TRAF2: variants seen among roughly 807,000 people sequenced by gnomAD.
TRAF2 encodes TNF receptor-associated factor 2.
A neutral mutation model predicts 55.6 loss-of-function variants in TRAF2; 6 were observed. The ratio of observed to expected loss-of-function variants is 0.11; its 90% CI spans 0.06 to 0.21. The LOEUF is 0.21. Among genes scored for constraint, TRAF2 ranks in the 10% least tolerant of loss-of-function variants. The pLI is 1.00. For synonymous variants in TRAF2, 329 were observed against 276.3 expected (o/e 1.19, Z -1.89); for missense variants, 561 against 684.5 (o/e 0.82, Z 2.01).
chr9:136,888,783 T>G (rs1393645559), intron 1 of TRAF2, among the ~76,000 whole-genome samples: 1 of 152,176 alleles, frequency 6.6e-6, no homozygotes, highest in African/African-American at 2.4e-5. Context: ...GACTCCAGCT[T>G]AGTGAAGGCC....
intron 4 of TRAF2, among the ~76,000 whole-genome samples, chr9:136,903,053 A>G (rs533462960): frequency 6.6e-6 from 1 of 151,830 alleles, no homozygotes; most frequent in African/African-American, 2.4e-5. Flanking sequence ...TGCAGCCTCC[A>G]CCTCCCAGGT....
intron 1 of TRAF2, among the ~76,000 whole-genome samples, chr9:136,891,619 G>C (rs1849581708): frequency 6.6e-6 from 1 of 152,200 alleles, no homozygotes; most frequent in Non-Finnish European, 1.5e-5. Context: ...ACCTTCAAGA[G>C]CGCATTTAGG....
At chr9:136,923,598 G>C (rs1482184088) in intron 9 of TRAF2, among the ~76,000 whole-genome samples, 1 of 120,238 alleles carries the variant, frequency 8.3e-6, no homozygotes. Context: ...CAACAAGAGT[G>C]AGACTCCATC....
chr9:136,912,089 G>A (rs575631747), intron 6 of TRAF2, among the ~76,000 whole-genome samples: 3 of 148,848 alleles, frequency 2.0e-5, no homozygotes, highest in Admixed American at 6.7e-5. Context: ...TCCTGACCTC[G>A]TGATCTGCCC....
chr9:136,922,944 G>T (rs1437491105), intron 9 of TRAF2, among the ~76,000 whole-genome samples: 1 of 151,678 alleles, frequency 6.6e-6, no homozygotes, highest in Non-Finnish European at 1.5e-5. Flanking sequence ...AGGATGGGGA[G>T]GATGGGCCTG....
At chr9:136,919,274 T>C (rs529248538) in intron 7 of TRAF2, among the ~76,000 whole-genome samples, 5 of 149,042 alleles carry the variant, frequency 3.4e-5, no homozygotes, top group African/African-American at 1.2e-4. Flanking sequence ...TTGCCCAGGC[T>C]TCTCTGGAAC....
At position 136,911,264 on chromosome 9, in the gene TRAF2, C is replaced by CTTTTTTT. The variant is rs34077067; in HGVS notation, c.603+1284_603+1290dup. On this transcript the variant is annotated intron_variant, in intron 6 of 10. Coordinates refer to ENST00000247668, the MANE Select transcript of TRAF2 (RefSeq NM_021138.4). ...CATGGTGCATTTTCATCCTTCCCGT[C>CTTTTTTT]TTTTTTTTTTTTTTTTTTTTGGAGA... Among the ~76,000 whole-genome samples the CTTTTTTT allele has an allele frequency of 8.2e-4, 101 of 122,510 alleles. 1 individual carries two copies. The highest frequency in any genetic ancestry group is 3.2e-3 in the African/African-American group (101 of 31,636). The allele number at this position is 122,510 out of a possible 152,430, so 80.4% of individuals were successfully genotyped here.
At position 136,904,417 on chromosome 9, in the gene TRAF2, T is replaced by C. The variant is rs549958986; in HGVS notation, c.367-3653T>C. Among the ~76,000 whole-genome samples the C allele has an allele frequency of 1.3e-3, 195 of 152,158 alleles. No individual in the cohort carries two copies. In the Middle Eastern group the frequency reaches 0.017, roughly 13 times the overall value. On this transcript the variant is annotated intron_variant, in intron 4 of 10. Coordinates refer to ENST00000247668, the MANE Select transcript of TRAF2 (RefSeq NM_021138.4). ...AGTCTTTTTTATTTTTATTTTTTTA[T>C]TTATTTGAGATGGAGTCTCACTCTG...
intron 1 of TRAF2, among the ~76,000 whole-genome samples, chr9:136,888,219 A>G (rs1377131760): frequency 6.6e-6 from 1 of 152,176 alleles, no homozygotes; most frequent in Non-Finnish European, 1.5e-5. Flanking sequence ...AGGGCCTCAT[A>G]TTCATGGCTG....
Position 136,917,309 on chromosome 9 carries a change from G to A in TRAF2, c.678+694G>A, listed in dbSNP as rs149166527. Among the ~76,000 whole-genome samples, 656 of 152,252 alleles carry A rather than the reference G, an allele frequency of 4.3e-3. 4 individuals carry two copies. Among genetic ancestry groups the A allele is most frequent in the African/African-American group, 0.015 (626 of 41,544 alleles). On this transcript the variant is annotated intron_variant, in intron 7 of 10. Coordinates refer to ENST00000247668, the MANE Select transcript of TRAF2 (RefSeq NM_021138.4). ...CTCAGCTATCTCCTCTGCCCTGCTC[G>A]CTGGCCTGAGCTTCCTTGGGCATGC...
intron 10 of TRAF2, among the ~76,000 whole-genome samples, chr9:136,924,831 T>C (rs1051740635): frequency 1.2e-4 from 19 of 152,024 alleles, no homozygotes; most frequent in South Asian, 6.3e-4. Context: ...CCTCCCCTCC[T>C]GGGTTCAAGC....
At chr9:136,904,780 G>GAATAGTTGCTTCGTAAAAGCCAT (rs11272754) in intron 4 of TRAF2, among the ~76,000 whole-genome samples, 1 of 151,762 alleles carries the variant, frequency 6.6e-6, no homozygotes, top group Non-Finnish European at 1.5e-5. Context: ...TCATAAGCCA[G>GAATAGTTGCTTCGTAAAAGCCAT]AATAGTTGCT....
chr9:136,918,831 G>C (rs1032593135), intron 7 of TRAF2, among the ~76,000 whole-genome samples: 6 of 151,556 alleles, frequency 4.0e-5, no homozygotes. Flanking sequence ...CACCTCCTGG[G>C]TTCAAGTACT....
chr9:136,912,698 A>G (rs1401473172), intron 6 of TRAF2, among the ~76,000 whole-genome samples: 1 of 151,770 alleles, frequency 6.6e-6, no homozygotes, highest in African/African-American at 2.4e-5. Flanking sequence ...TTAGCTGGGC[A>G]TGGTGGTGCA....
chr9:136,920,614 C>T, intron 8 of TRAF2, 99 bp downstream of exon 8: 1 of 1,416,292 alleles, frequency 7.1e-7, no homozygotes, highest in Non-Finnish European at 9.3e-7. Context: ...GCTTTAGAGC[C>T]CGGACAATGT....
chr9:136,916,683 C>T (rs1850250435), intron 7 of TRAF2, 68 bp downstream of exon 7: 2 of 1,480,544 alleles, frequency 1.4e-6, no homozygotes, highest in African/African-American at 1.5e-5. Flanking sequence ...GCCTCCAGCC[C>T]AGTGCTTCCT....
At chr9:136,889,038 G>GT (rs941559963) in intron 1 of TRAF2, among the ~76,000 whole-genome samples, 37 of 152,028 alleles carry the variant, frequency 2.4e-4, no homozygotes, top group African/African-American at 8.4e-4. Context: ...CTAATTTTTT[G>GT]TATTTTTAAT....
intron 7 of TRAF2, 62 bp downstream of exon 7, chr9:136,916,677 C>G (rs1850250317): frequency 3.3e-6 from 5 of 1,503,548 alleles, no homozygotes; most frequent in African/African-American, 1.5e-5. Context: ...TTCACTGCCT[C>G]CAGCCCAGTG....
chr9:136,924,936 T>C (rs186350841), intron 10 of TRAF2, among the ~76,000 whole-genome samples: 4 of 152,052 alleles, frequency 2.6e-5, no homozygotes, highest in Non-Finnish European at 5.9e-5. Context: ...ATGGGGTTTC[T>C]CCATGTTGGC....
Sources: gnomAD v4.1 joint callset for allele counts (sites outside exome capture counted in the v4.1 genomes callset) on GRCh38, gnomAD v4.1.1 for gene constraint, MANE v1.5 for transcripts, NCBI Gene and HGNC (gene_info 2026-07-23, HGNC 2026-07-21) for gene names.